The following DHX15 variants were observed in gnomAD, a reference collection of about 807,000 sequenced individuals.
The protein encoded by DHX15 is ATP-dependent RNA helicase DHX15.
Under a neutral mutation model 94.4 loss-of-function variants are expected in DHX15, and 11 were observed. The observed-to-expected ratio is 0.12, with a 90% CI of 0.07 to 0.19. The LOEUF (loss-of-function observed/expected upper bound fraction) is 0.19, where lower values mean the gene tolerates loss of function less well. Among genes scored for constraint, DHX15 ranks in the 10% least tolerant of loss-of-function variants. The pLI is 1.00. For synonymous variants in DHX15, 338 were observed against 329.9 expected, an observed-to-expected ratio of 1.02 and a Z score of -0.27; for missense variants, 304 against 988.5, an observed-to-expected ratio of 0.31 and a Z score of 9.29.
intron 2 of DHX15, among the ~76,000 whole-genome samples, chr4:24,573,842 T>C (rs904865169): frequency 9.9e-5 from 15 of 152,096 alleles, no homozygotes; most frequent in Non-Finnish European, 1.9e-4. Flanking sequence ...TCCTTCCTCA[T>C]GTGCAGTTAT....
chr4:24,534,872 T>C (rs972367197), intron 11 of DHX15, among the ~76,000 whole-genome samples: 3 of 152,128 alleles, frequency 2.0e-5, no homozygotes, highest in African/African-American at 7.2e-5. Context: ...AAAGCTTTCG[T>C]GAAAATATTC....
intron 3 of DHX15, among the ~76,000 whole-genome samples, chr4:24,558,787 A>C (rs1363188940): frequency 2.6e-5 from 4 of 152,250 alleles, no homozygotes; most frequent in East Asian, 1.9e-4. Flanking sequence ...AGTCAAATTT[A>C]CTTCTTTTCC....
chr4:24,554,203 G>A (rs1289831920), intron 5 of DHX15, among the ~76,000 whole-genome samples: 1 of 152,050 alleles, frequency 6.6e-6, no homozygotes, highest in Non-Finnish European at 1.5e-5. Flanking sequence ...GGGCGACAGC[G>A]CAAGACTCCG....
chr4:24,534,878 T>G (rs1721162221), intron 11 of DHX15, among the ~76,000 whole-genome samples: 1 of 151,822 alleles, frequency 6.6e-6, no homozygotes, highest in African/African-American at 2.4e-5. Context: ...TTCGTGAAAA[T>G]ATTCCAAATA....
In DHX15 at chr4:24,532,998, A is replaced by G; in HGVS notation, c.1966T>C (p.Ser656Pro). The G allele has an allele frequency of 6.2e-7, 1 of 1,614,142 alleles. No homozygotes were observed. The highest frequency in any genetic ancestry group is 8.5e-7 in the Non-Finnish European group (1 of 1,180,012). ...DNFINYRSLMSADNVRQQLSR... is the reference protein window; with the variant it reads ...DNFINYRSLMPADNVRQQLSR... Reference sequence around the variant, plus strand: ...AGCTGCTGGCGTACATTGTCTGCGGACATCAGGGACCTGTAGTTAATGAAG... The same window carrying G: ...AGCTGCTGGCGTACATTGTCTGCGGGCATCAGGGACCTGTAGTTAATGAAG... The change falls in exon 12 of 14, where the codon TCC becomes CCC. Residue 656 changes from serine (S) to proline (P), a missense_variant. Physicochemically the swap from Ser to Pro is moderately conservative, Grantham distance 74. Transcript: ENST00000336812.
At chr4:24,555,116 T>C (rs1049347081) in intron 4 of DHX15, among the ~76,000 whole-genome samples, 173 bp from the exon 5 acceptor site, 1 of 152,148 alleles carries the variant, frequency 6.6e-6, no homozygotes, top group East Asian at 1.9e-4. Context: ...TAGTAAAAGT[T>C]ATTTACATTT....
intron 3 of DHX15, among the ~76,000 whole-genome samples, chr4:24,565,493 A>G (rs1332599737): frequency 1.3e-5 from 2 of 152,236 alleles, no homozygotes; most frequent in Non-Finnish European, 2.9e-5. Flanking sequence ...ACAGATGTTC[A>G]ATAAATTAGT....
intron 3 of DHX15, among the ~76,000 whole-genome samples, chr4:24,558,004 A>G (rs73246470): frequency 0.073 from 10,979 of 150,656 alleles, 430 homozygotes; most frequent in African/African-American, 0.099. Context: ...AGGATTGGTT[A>G]CTCTTCCAAC....
chr4:24,549,606 C>A (rs1162645990), intron 5 of DHX15, among the ~76,000 whole-genome samples: 1 of 152,162 alleles, frequency 6.6e-6, no homozygotes, highest in Non-Finnish European at 1.5e-5. Context: ...GGAATATGTT[C>A]TGAGAAATTT....
intron 6 of DHX15, among the ~76,000 whole-genome samples, chr4:24,548,498 G>T (rs1184035268): frequency 1.3e-5 from 2 of 152,194 alleles, no homozygotes; most frequent in African/African-American, 4.8e-5. Flanking sequence ...CACACCTATA[G>T]ACATTACATT....
At chr4:24,571,041 T>C (rs1722109963) in intron 2 of DHX15, among the ~76,000 whole-genome samples, 194 bp from the exon 3 acceptor site, 1 of 152,224 alleles carries the variant, frequency 6.6e-6, no homozygotes, top group African/African-American at 2.4e-5. Flanking sequence ...AATACTGATA[T>C]GACACACACC....
chr4:24,536,952 A>T, intron 11 of DHX15, 99 bp downstream of exon 11: 1 of 1,347,764 alleles, frequency 7.4e-7, no homozygotes, highest in Non-Finnish European at 9.8e-7. Context: ...TTTCTAATAT[A>T]AGTTGTCACG....
At chr4:24,532,361 C>T (rs1044596183) in intron 12 of DHX15, among the ~76,000 whole-genome samples, 1 of 152,128 alleles carries the variant, frequency 6.6e-6, no homozygotes, top group Non-Finnish European at 1.5e-5. Context: ...ATGAAATCCA[C>T]GTATTTGAAT....
intron 3 of DHX15, among the ~76,000 whole-genome samples, chr4:24,556,653 A>G (rs1345787593): frequency 6.6e-6 from 1 of 152,222 alleles, no homozygotes; most frequent in Non-Finnish European, 1.5e-5. Flanking sequence ...ATGTACTGGG[A>G]AGACATGATA....
intron 6 of DHX15, 37 bp from the exon 7 acceptor site, chr4:24,543,063 T>C (rs1174746975): frequency 1.4e-6 from 2 of 1,441,996 alleles, no homozygotes; most frequent in Non-Finnish European, 1.9e-6. Flanking sequence ...ATATTACATA[T>C]CAAATAAAAT....
chr4:24,554,193 G>A (rs1721671937), intron 5 of DHX15, among the ~76,000 whole-genome samples: 1 of 152,154 alleles, frequency 6.6e-6, no homozygotes, highest in Non-Finnish European at 1.5e-5. Flanking sequence ...ACTACAGCCT[G>A]GGCGACAGCG....
Position 24,576,456 on chromosome 4 carries a change from A to G in DHX15, c.294T>C (p.Ala98=), listed in dbSNP as rs764291178. The G allele has an allele frequency of 1.2e-6, 2 of 1,614,094 alleles. No individual in the cohort carries two copies. The highest frequency in any genetic ancestry group is 2.2e-5 in the East Asian group (1 of 44,894). The change falls in exon 2 of 14, where the codon GCT becomes GCC. Residue 98 remains alanine (A), a synonymous_variant. Coordinates refer to ENST00000336812, the MANE Select transcript of DHX15 (RefSeq NM_001358.3). ...CTGCATGTCCGGCATGCGTTGAATG[A>G]GCAGAATGTGTTGAATGCGTTGAAT... ...SAHSTHSTHS[A]HSTHAGHAGH...
intron 3 of DHX15, among the ~76,000 whole-genome samples, chr4:24,564,023 C>A (rs953520714): frequency 2.8e-5 from 4 of 142,094 alleles, no homozygotes; most frequent in African/African-American, 1.1e-4. Flanking sequence ...GCCAAGACTG[C>A]ACCACTGCAC....
chr4:24,537,312 T>C lies in DHX15; in HGVS notation c.1787-139A>G. 1 of 1,106,826 alleles carries C rather than the reference T, an allele frequency of 9.0e-7. No homozygotes were observed. The highest frequency in any genetic ancestry group is 1.7e-5 in the South Asian group (1 of 60,450). 68.6% of individuals were successfully genotyped at this position (1,106,826 alleles called of 1,614,324 possible). On this transcript the variant is annotated intron_variant, in intron 10 of 13. Coordinates refer to ENST00000336812, the MANE Select transcript of DHX15 (RefSeq NM_001358.3). This position sits in a 1 kb window ranked among gnomAD's most constrained non-coding sequence, Gnocchi z 4.7. ...GATGGCCTCCAACTGCATCTTGGAT[T>C]GTTTACTACCTTGATTTGGTACATC...
Sources: gnomAD v4.1 joint callset for allele counts (sites outside exome capture counted in the v4.1 genomes callset) on GRCh38, gnomAD v4.1.1 for gene constraint, Gnocchi (gnomAD v3.1) non-coding constraint, MANE v1.5 for transcripts, NCBI Gene and HGNC (gene_info 2026-07-23, HGNC 2026-07-21) for gene names.